CNTNAP5: variants seen among roughly 807,000 people sequenced by gnomAD.
The protein encoded by CNTNAP5 is contactin associated protein family member 5.
CNTNAP5 carries 72 observed loss-of-function variants against 150.2 expected under a neutral mutation model. That is an observed-to-expected ratio of 0.48 (90% CI 0.40 to 0.58). The LOEUF is 0.58. CNTNAP5 is among the 20% of genes least tolerant of loss of function. The probability of loss-of-function intolerance (pLI) is 0.00; values close to 1 mark genes in which losing one functional copy is unlikely to be tolerated. For synonymous variants in CNTNAP5, 672 were observed against 619.8 expected (o/e 1.08, Z -1.25); for missense variants, 1,636 against 1,626.2 (o/e 1.01, Z -0.10).
At chr2:124,264,374 GCACACACACACACATACA>G (rs1558825527) in intron 3 of CNTNAP5, among the ~76,000 whole-genome samples, 1 of 50,166 alleles carries the variant, frequency 2.0e-5, no homozygotes, top group Admixed American at 2.8e-4. Context: ...ACACACACAG[GCACACACACACACATACA>G]CACACACACA....
At chr2:124,193,793 C>T (rs1685512762) in intron 1 of CNTNAP5, among the ~76,000 whole-genome samples, 1 of 152,018 alleles carries the variant, frequency 6.6e-6, no homozygotes, top group Admixed American at 6.6e-5. Flanking sequence ...AATTCCAGAC[C>T]TGAGGTTTGA....
chr2:124,703,094 C>G (rs1246875374), intron 13 of CNTNAP5, among the ~76,000 whole-genome samples: 1 of 148,666 alleles, frequency 6.7e-6, no homozygotes, highest in African/African-American at 2.6e-5. Context: ...ATGAATTCAG[C>G]TTTCCTTCCT....
intron 13 of CNTNAP5, among the ~76,000 whole-genome samples, chr2:124,694,547 A>G (rs1679365568): frequency 6.6e-6 from 1 of 152,208 alleles, no homozygotes; most frequent in Non-Finnish European, 1.5e-5. Context: ...ACTGATTATA[A>G]TACATGTAAA....
chr2:124,810,522 A>G (rs1474569920), intron 19 of CNTNAP5, among the ~76,000 whole-genome samples: 1 of 152,196 alleles, frequency 6.6e-6, no homozygotes, highest in Non-Finnish European at 1.5e-5. Flanking sequence ...TAACTGGAGA[A>G]GGGATGCCTA....
At chr2:124,231,041 G>C (rs1037756589) in intron 2 of CNTNAP5, among the ~76,000 whole-genome samples, 2 of 152,150 alleles carry the variant, frequency 1.3e-5, no homozygotes, top group African/African-American at 4.8e-5. Flanking sequence ...GTGGGTAGAA[G>C]CTGGGACATC....
chr2:124,177,382 G>A (rs959879436), intron 1 of CNTNAP5, among the ~76,000 whole-genome samples: 3 of 152,126 alleles, frequency 2.0e-5, no homozygotes, highest in African/African-American at 7.2e-5. Flanking sequence ...CGGGCAGACA[G>A]CTATTTATTT....
chr2:124,748,757 A>C (rs538911399), intron 14 of CNTNAP5, among the ~76,000 whole-genome samples: 29 of 152,306 alleles, frequency 1.9e-4, no homozygotes, highest in African/African-American at 7.0e-4. Flanking sequence ...TTATCACTTC[A>C]GAACACCCTA....
intron 6 of CNTNAP5, among the ~76,000 whole-genome samples, chr2:124,464,857 C>T (rs1355274296): frequency 6.6e-6 from 1 of 152,028 alleles, no homozygotes; most frequent in Admixed American, 6.6e-5. Context: ...CAGCAAACAC[C>T]CAGCCAGTGT....
chr2:124,487,384 G>A (rs192860896), intron 7 of CNTNAP5, among the ~76,000 whole-genome samples: 6 of 152,246 alleles, frequency 3.9e-5, no homozygotes, highest in African/African-American at 1.4e-4. Context: ...TTCATAAGCC[G>A]CATTTGATGT....
chr2:124,074,318 A>G (rs1682384954), intron 1 of CNTNAP5, among the ~76,000 whole-genome samples: 1 of 152,114 alleles, frequency 6.6e-6, no homozygotes, highest in Non-Finnish European at 1.5e-5. Context: ...ATTTGATTGT[A>G]TATTTTTAAA....
chr2:124,226,192 T>C (rs1300850517), intron 2 of CNTNAP5, among the ~76,000 whole-genome samples: 1 of 151,958 alleles, frequency 6.6e-6, no homozygotes, highest in Non-Finnish European at 1.5e-5. Flanking sequence ...CTCCATACCG[T>C]TTCTTATAAC....
intron 2 of CNTNAP5, among the ~76,000 whole-genome samples, chr2:124,223,239 C>G (rs1414778705): frequency 6.6e-6 from 1 of 152,048 alleles, no homozygotes; most frequent in Non-Finnish European, 1.5e-5. Context: ...GTTAACAAAT[C>G]GCTTCACTAG....
chr2:124,183,187 A>G (rs1685248721), intron 1 of CNTNAP5, among the ~76,000 whole-genome samples: 1 of 152,154 alleles, frequency 6.6e-6, no homozygotes, highest in African/African-American at 2.4e-5. Flanking sequence ...AGTGACTGGC[A>G]TTTAATAAAC....
At chr2:124,570,943 T>C (rs1042792674) in intron 11 of CNTNAP5, among the ~76,000 whole-genome samples, 4 of 152,212 alleles carry the variant, frequency 2.6e-5, no homozygotes, top group African/African-American at 9.6e-5. Context: ...AGTTACAAGA[T>C]ATATGACCTA....
chr2:124,407,890 C>T (rs1033807893), intron 3 of CNTNAP5, among the ~76,000 whole-genome samples: 11 of 152,018 alleles, frequency 7.2e-5, no homozygotes, highest in Admixed American at 2.0e-4. Context: ...CCAAGATGGC[C>T]GAATAGGAAC....
At chr2:124,692,479 T>G (rs111734053) in intron 13 of CNTNAP5, among the ~76,000 whole-genome samples, 20 of 152,158 alleles carry the variant, frequency 1.3e-4, no homozygotes, top group African/African-American at 4.6e-4. Flanking sequence ...CTAAGTTTGA[T>G]CAAGTTTGTT....
At chr2:124,217,427 T>C (rs747990561) in intron 1 of CNTNAP5, among the ~76,000 whole-genome samples, 3 of 152,166 alleles carry the variant, frequency 2.0e-5, no homozygotes, top group Non-Finnish European at 2.9e-5. Flanking sequence ...GGTTTGCTTA[T>C]TGAAGGCTGC....
intron 3 of CNTNAP5, among the ~76,000 whole-genome samples, chr2:124,321,431 G>A (rs1480734710): frequency 7.4e-6 from 1 of 135,772 alleles, no homozygotes; most frequent in Non-Finnish European, 1.6e-5. Context: ...CAACAAGAGC[G>A]AAACTCTATC....
chr2:124,109,018 C>T (rs1357421585), intron 1 of CNTNAP5, among the ~76,000 whole-genome samples: 1 of 152,052 alleles, frequency 6.6e-6, no homozygotes, highest in African/African-American at 2.4e-5. Context: ...TAAGTAGGAG[C>T]ATACATCCTG....
Sources: gnomAD v4.1 joint callset for allele counts (sites outside exome capture counted in the v4.1 genomes callset) on GRCh38, gnomAD v4.1.1 for gene constraint, MANE v1.5 for transcripts, NCBI Gene and HGNC (gene_info 2026-07-23, HGNC 2026-07-21) for gene names.